PHF2: variants seen among roughly 807,000 people sequenced by gnomAD.
PHF2 encodes lysine-specific demethylase PHF2.
Under a neutral mutation model 120.5 loss-of-function variants are expected in PHF2, and 27 were observed. That is an observed-to-expected ratio of 0.22 (90% CI 0.17 to 0.31). The LOEUF is 0.31. Ranked by LOEUF, PHF2 falls within the 10% of genes least tolerant of loss-of-function variation. The probability of loss-of-function intolerance (pLI) is 1.00; values close to 1 mark genes in which losing one functional copy is unlikely to be tolerated. For missense variants in PHF2, 1,024 were observed against 1,434.8 expected (o/e 0.71, Z 4.63); for synonymous variants, 568 against 592.5 (o/e 0.96, Z 0.60).
chr9:93,615,333 GTGA>G (rs1334756796), intron 1 of PHF2, among the ~76,000 whole-genome samples: 8 of 150,244 alleles, frequency 5.3e-5, no homozygotes, highest in Non-Finnish European at 7.4e-5. Context: ...GATGGTGATG[GTGA>G]TGATAGCAAT....
At chr9:93,625,688 G>A (rs1399396565) in intron 1 of PHF2, among the ~76,000 whole-genome samples, 1 of 151,816 alleles carries the variant, frequency 6.6e-6, no homozygotes, top group African/African-American at 2.4e-5. Flanking sequence ...ATGTTGGTCA[G>A]GCTGGTCTCA....
chr9:93,625,329 G>A (rs1450270824), intron 1 of PHF2, among the ~76,000 whole-genome samples: 5 of 152,174 alleles, frequency 3.3e-5, no homozygotes, highest in Non-Finnish European at 7.3e-5. Flanking sequence ...TTTTAAGGCT[G>A]AATAATATTC....
At chr9:93,673,910 G>A (rs1587723673) in intron 18 of PHF2, 48 bp downstream of exon 18, 3 of 1,507,588 alleles carry the variant, frequency 2.0e-6, no homozygotes, top group Non-Finnish European at 2.7e-6. Context: ...AGCCCTAGAA[G>A]GCCTGGCTGA....
chr9:93,619,919 C>T (rs1425142617), intron 1 of PHF2, among the ~76,000 whole-genome samples: 7 of 152,204 alleles, frequency 4.6e-5, no homozygotes, highest in Admixed American at 1.3e-4. Context: ...GGCCAGGCAC[C>T]GCCTCTCTCA....
chr9:93,647,152 G>A (rs1460259206), intron 4 of PHF2, among the ~76,000 whole-genome samples: 1 of 152,240 alleles, frequency 6.6e-6, no homozygotes, highest in African/African-American at 2.4e-5. Flanking sequence ...CCAGGCCAGT[G>A]CTCTTTCTCA....
chr9:93,611,082 T>C (rs1825625236), intron 1 of PHF2, among the ~76,000 whole-genome samples: 1 of 152,188 alleles, frequency 6.6e-6, no homozygotes, highest in Non-Finnish European at 1.5e-5. Flanking sequence ...ATCCCTTTTT[T>C]TGACTTGCAT....
intron 1 of PHF2, among the ~76,000 whole-genome samples, chr9:93,586,326 A>G (rs530468072): frequency 1.1e-4 from 16 of 152,346 alleles, no homozygotes; most frequent in Admixed American, 9.8e-4. Flanking sequence ...TGTGGCGACC[A>G]CTGCCCAGCA....
At chr9:93,658,957 G>A (rs1403040015) in intron 10 of PHF2, among the ~76,000 whole-genome samples, 1 of 152,200 alleles carries the variant, frequency 6.6e-6, no homozygotes, top group African/African-American at 2.4e-5. Flanking sequence ...TTTCCTACTG[G>A]GCTCATTGTG....
intron 1 of PHF2, among the ~76,000 whole-genome samples, chr9:93,601,575 A>C (rs1200308724): frequency 1.3e-5 from 2 of 151,990 alleles, no homozygotes; most frequent in East Asian, 3.9e-4. Flanking sequence ...GGTTGGCAGG[A>C]TGGTTGGCAC....
At chr9:93,642,284 G>T (rs957138943) in intron 3 of PHF2, among the ~76,000 whole-genome samples, 2 of 152,210 alleles carry the variant, frequency 1.3e-5, no homozygotes, top group Non-Finnish European at 2.9e-5. Flanking sequence ...AGCATTCCAA[G>T]TTTAGTTTGT....
chr9:93,606,009 T>C (rs930188165), intron 1 of PHF2, among the ~76,000 whole-genome samples: 1 of 152,140 alleles, frequency 6.6e-6, no homozygotes. Flanking sequence ...GGTCTGGCTC[T>C]GTTGCCCGGG....
intron 1 of PHF2, among the ~76,000 whole-genome samples, chr9:93,601,946 G>T (rs1248144752): frequency 6.6e-6 from 1 of 151,946 alleles, no homozygotes; most frequent in East Asian, 1.9e-4. Flanking sequence ...GTGGTAGGGT[G>T]GGGTGGGGGT....
At chr9:93,665,607 A>G (rs773416303) in intron 14 of PHF2, 79 bp from the exon 15 acceptor site, 16 of 1,495,484 alleles carry the variant, frequency 1.1e-5, no homozygotes, top group Non-Finnish European at 1.4e-5. Context: ...GCCCTGGCAG[A>G]GGACCCCTCG....
intron 1 of PHF2, among the ~76,000 whole-genome samples, chr9:93,607,940 T>TGAGA (rs138717280): frequency 0.027 from 3,468 of 128,330 alleles, 62 homozygotes; most frequent in Middle Eastern, 0.096. Flanking sequence ...GGGAAAGAGA[T>TGAGA]GAGAGAGAGA....
chr9:93,646,596 C>T (rs10992823), intron 4 of PHF2, among the ~76,000 whole-genome samples: 4,228 of 152,290 alleles, frequency 0.028, 187 homozygotes, highest in African/African-American at 0.095. Flanking sequence ...CTCTGAGGCT[C>T]ACTCTCTTCC....
At chr9:93,628,158 G>C (rs1310383937) in intron 1 of PHF2, among the ~76,000 whole-genome samples, 10 of 152,166 alleles carry the variant, frequency 6.6e-5, no homozygotes, top group Non-Finnish European at 1.2e-4. Flanking sequence ...TTATTTACTG[G>C]TGTTTTGTTG....
intron 17 of PHF2, among the ~76,000 whole-genome samples, chr9:93,671,679 T>C (rs1826796279): frequency 7.2e-6 from 1 of 139,014 alleles, no homozygotes; most frequent in Non-Finnish European, 1.6e-5. Flanking sequence ...GGTACAGGTG[T>C]AGATGCAGGT....
At chr9:93,585,369 A>G (rs771875393) in intron 1 of PHF2, among the ~76,000 whole-genome samples, 4 of 152,192 alleles carry the variant, frequency 2.6e-5, no homozygotes, top group Non-Finnish European at 5.9e-5. Flanking sequence ...TACATGCTTC[A>G]CTGCTGAGGA....
At chr9:93,584,113 C>T (rs1251701379) in intron 1 of PHF2, among the ~76,000 whole-genome samples, 1 of 152,220 alleles carries the variant, frequency 6.6e-6, no homozygotes, top group Non-Finnish European at 1.5e-5. Flanking sequence ...TAGGCATGAG[C>T]TACTGCGCCC....
Sources: allele counts gnomAD v4.1 joint callset (sites outside exome capture counted in the v4.1 genomes callset), GRCh38; gene constraint gnomAD v4.1.1; transcripts MANE v1.5; gene names NCBI Gene and HGNC (gene_info 2026-07-23, HGNC 2026-07-21).